Variants in SPAG16 observed in about 807,000 individuals in gnomAD.
The protein encoded by SPAG16 is sperm-associated antigen 16 protein.
Under a neutral mutation model 80.4 loss-of-function variants are expected in SPAG16, and 86 were observed. The ratio of observed to expected loss-of-function variants is 1.07; its 90% CI spans 0.90 to 1.28. The LOEUF is 1.28. Among genes scored for constraint, SPAG16 ranks in the 50% most tolerant of loss-of-function variants. The pLI, the probability that SPAG16 is intolerant of heterozygous loss-of-function variation, is 0.00. For synonymous variants in SPAG16, 294 were observed against 265.9 expected, an observed-to-expected ratio of 1.11 and a Z score of -1.03; for missense variants, 870 against 765.3, an observed-to-expected ratio of 1.14 and a Z score of -1.61.
At chr2:213,703,173 C>T (rs1314010889) in intron 10 of SPAG16, among the ~76,000 whole-genome samples, 1 of 152,088 alleles carries the variant, frequency 6.6e-6, no homozygotes, top group Non-Finnish European at 1.5e-5. Flanking sequence ...CAACCAATAA[C>T]GGACATGGAG....
chr2:213,598,980 C>G (rs184319841), intron 10 of SPAG16, among the ~76,000 whole-genome samples: 108 of 152,254 alleles, frequency 7.1e-4, no homozygotes, highest in African/African-American at 2.5e-3. Flanking sequence ...TTTATATCAT[C>G]TAAATTGAGC....
intron 15 of SPAG16, among the ~76,000 whole-genome samples, chr2:214,348,897 G>A (rs555363641): frequency 4.6e-5 from 7 of 152,298 alleles, no homozygotes; most frequent in Admixed American, 1.3e-4. Flanking sequence ...CAGAATAGCT[G>A]TCTTTTCCAA....
chr2:214,260,739 G>A (rs1481458782), intron 15 of SPAG16, among the ~76,000 whole-genome samples: 4 of 152,010 alleles, frequency 2.6e-5, no homozygotes, highest in Admixed American at 6.6e-5. Flanking sequence ...TAGTGCCTGG[G>A]TATCTATCTT....
At chr2:213,552,887 C>T (rs938545640) in intron 10 of SPAG16, among the ~76,000 whole-genome samples, 22 of 152,126 alleles carry the variant, frequency 1.4e-4, no homozygotes, top group Non-Finnish European at 7.3e-5. Flanking sequence ...TGCTTCTTGC[C>T]CTCAAATGTC....
At chr2:213,583,060 C>CT (rs1488749049) in intron 10 of SPAG16, among the ~76,000 whole-genome samples, 1 of 152,076 alleles carries the variant, frequency 6.6e-6, no homozygotes, top group Non-Finnish European at 1.5e-5. Flanking sequence ...GCCATTGTTT[C>CT]TTTTTTCTAT....
intron 15 of SPAG16, among the ~76,000 whole-genome samples, chr2:214,393,378 C>G (rs531422524): frequency 1.3e-5 from 2 of 152,024 alleles, no homozygotes; most frequent in South Asian, 2.1e-4. Flanking sequence ...TCAATGATCC[C>G]CTGAATTGAG....
At position 214,211,674 on chromosome 2, in the gene SPAG16, C is replaced by T. The variant is rs148110954; in HGVS notation, c.1720+62408C>T. On this transcript the variant is annotated intron_variant, in intron 15 of 15. Coordinates refer to ENST00000331683, the MANE Select transcript of SPAG16 (RefSeq NM_024532.5). ...CCTGCAACCAAGACTGAGAAAGCCACAGGCTCCTATCTCCCTAGTGGTCCA... is the reference window on the plus strand; with the variant it reads ...CCTGCAACCAAGACTGAGAAAGCCATAGGCTCCTATCTCCCTAGTGGTCCA... Among the ~76,000 whole-genome samples the T allele has an allele frequency of 1.3e-4, 20 of 152,300 alleles. No individual in the cohort carries two copies. The East Asian group carries it at 1.4e-3, about 10-fold the overall frequency.
intron 7 of SPAG16, among the ~76,000 whole-genome samples, chr2:213,352,765 A>G (rs1335454421): frequency 6.6e-6 from 1 of 152,240 alleles, no homozygotes; most frequent in African/African-American, 2.4e-5. Flanking sequence ...TGAATTTTGC[A>G]CACTACTGTT....
chr2:213,600,728 T>C (rs918130875), intron 10 of SPAG16, among the ~76,000 whole-genome samples: 4 of 152,234 alleles, frequency 2.6e-5, no homozygotes, highest in East Asian at 1.9e-4. Context: ...TGCATATTCC[T>C]TGGACTCCAA....
intron 15 of SPAG16, among the ~76,000 whole-genome samples, chr2:214,201,094 T>C (rs1280284874): frequency 3.3e-5 from 5 of 152,302 alleles, no homozygotes; most frequent in Non-Finnish European, 5.9e-5. Context: ...GGTATTGTTT[T>C]GTGGATCAAT....
intron 4 of SPAG16, among the ~76,000 whole-genome samples, chr2:213,314,899 G>T (rs2063337886): frequency 1.3e-5 from 2 of 151,826 alleles, no homozygotes; most frequent in Admixed American, 6.6e-5. Context: ...TTTATGAATT[G>T]TGGCAAATAT....
At chr2:213,796,929 CCT>C in intron 10 of SPAG16, among the ~76,000 whole-genome samples, 1 of 27,948 alleles carries the variant, frequency 3.6e-5, no homozygotes, top group African/African-American at 5.8e-5. Context: ...TGTTATTTCT[CCT>C]AAAGACCTTT....
At chr2:214,247,635 C>G (rs1012624614) in intron 15 of SPAG16, among the ~76,000 whole-genome samples, 7 of 152,198 alleles carry the variant, frequency 4.6e-5, no homozygotes, top group African/African-American at 1.4e-4. Flanking sequence ...GGTCAACACA[C>G]TCTCTGCAAC....
At chr2:213,789,235 A>G (rs2070535193) in intron 10 of SPAG16, among the ~76,000 whole-genome samples, 1 of 151,958 alleles carries the variant, frequency 6.6e-6, no homozygotes, top group Non-Finnish European at 1.5e-5. Flanking sequence ...TGTAGGCTAT[A>G]GTATTTCACT....
At chr2:213,833,534 TATATAA>T (rs1559506344) in intron 10 of SPAG16, among the ~76,000 whole-genome samples, 79 of 236 alleles carry the variant, frequency 0.33, 32 homozygotes, top group East Asian at 0.82. Flanking sequence ...ATATATATTA[TATATAA>T]TATATATAAT....
rs570472408 is a variant in SPAG16 at position 213,774,642 on chromosome 2, T to C, written c.1071-87843T>C. Among the ~76,000 whole-genome samples, 5 of 152,366 alleles carry C rather than the reference T, an allele frequency of 3.3e-5. No individual in the cohort carries two copies. The East Asian group carries it at 9.6e-4, about 29-fold the overall frequency. On this transcript the variant is annotated intron_variant, in intron 10 of 15. Transcript: ENST00000331683. ...TTCAGTTCCTAAAAGAGTTCTGGTT[T>C]CTTGTTTCTTCTCTGGTACCATCAC...
At chr2:213,980,934 G>A (rs569799403) in intron 12 of SPAG16, among the ~76,000 whole-genome samples, 3 of 151,690 alleles carry the variant, frequency 2.0e-5, no homozygotes, top group Admixed American at 6.6e-5. Flanking sequence ...GAGTAAATAC[G>A]TTCTGAGTAA....
chr2:213,930,949 C>T (rs976281186), intron 12 of SPAG16, among the ~76,000 whole-genome samples: 1 of 152,136 alleles, frequency 6.6e-6, no homozygotes, highest in African/African-American at 2.4e-5. Context: ...AGAGAAGTGC[C>T]CTCTCCTCGG....
At chr2:213,652,807 G>T (rs1159805072) in intron 10 of SPAG16, among the ~76,000 whole-genome samples, 1 of 151,982 alleles carries the variant, frequency 6.6e-6, no homozygotes, top group African/African-American at 2.4e-5. Flanking sequence ...CAATCTATAG[G>T]TTGCCTTTTT....
Sources: allele counts gnomAD v4.1 joint callset (sites outside exome capture counted in the v4.1 genomes callset), GRCh38; gene constraint gnomAD v4.1.1; transcripts MANE v1.5; gene names NCBI Gene and HGNC (gene_info 2026-07-23, HGNC 2026-07-21).